Variants in ADAM12 observed in about 807,000 individuals in gnomAD.
ADAM12 encodes disintegrin and metalloproteinase domain-containing protein 12.
A neutral mutation model predicts 106.4 loss-of-function variants in ADAM12; 70 were observed. That is an observed-to-expected ratio of 0.66 (90% confidence interval 0.54 to 0.80). ADAM12 has a LOEUF of 0.80. Ranked by LOEUF, ADAM12 falls within the 30% of genes least tolerant of loss-of-function variation. The pLI, the probability that ADAM12 is intolerant of heterozygous loss-of-function variation, is 0.00. For synonymous variants in ADAM12, 420 were observed against 433.5 expected (o/e 0.97, Z 0.39); for missense variants, 1,010 against 1,171.9 (o/e 0.86, Z 2.02).
chr10:126,355,497 C>T (rs78343073), intron 1 of ADAM12, among the ~76,000 whole-genome samples: 3,585 of 152,248 alleles, frequency 0.024, 155 homozygotes, highest in African/African-American at 0.08. Context: ...CCTGAGAGAC[C>T]TGCCTAGACT....
At chr10:126,126,537 A>T (rs1167736128) in intron 5 of ADAM12, among the ~76,000 whole-genome samples, 2 of 149,316 alleles carry the variant, frequency 1.3e-5, no homozygotes, top group African/African-American at 5.0e-5. Context: ...TTGAACAAGC[A>T]TAAGACTGAA....
chr10:126,239,366 T>C (rs1212514152), intron 3 of ADAM12, among the ~76,000 whole-genome samples: 1 of 152,240 alleles, frequency 6.6e-6, no homozygotes, highest in Admixed American at 6.5e-5. Flanking sequence ...GGATAAAGCC[T>C]TTCCTATAGG....
At chr10:126,370,364 T>C (rs1856066721) in intron 1 of ADAM12, among the ~76,000 whole-genome samples, 1 of 152,214 alleles carries the variant, frequency 6.6e-6, no homozygotes, top group African/African-American at 2.4e-5. Context: ...TCTACAGCCA[T>C]CATAGGTAGC....
At chr10:126,315,941 T>C (rs1853849394) in intron 2 of ADAM12, among the ~76,000 whole-genome samples, 1 of 152,174 alleles carries the variant, frequency 6.6e-6, no homozygotes, top group African/African-American at 2.4e-5. Context: ...ACTTATGAGA[T>C]TTGCCTGTGT....
chr10:126,177,229 T>A (rs2169075), intron 3 of ADAM12, among the ~76,000 whole-genome samples: 2 of 150,578 alleles, frequency 1.3e-5, no homozygotes, highest in African/African-American at 2.4e-5. Flanking sequence ...AGGAGGAAAA[T>A]AGAAGATAAC....
Position 126,193,904 on chromosome 10 carries a change from G to GAAATAAAATAAAATA in ADAM12, c.261-38614_261-38600dup, listed in dbSNP as rs142749355. Among the ~76,000 whole-genome samples, 363 of 145,196 alleles carry GAAATAAAATAAAATA rather than the reference G, an allele frequency of 2.5e-3. 1 individual carries two copies. The highest frequency in any genetic ancestry group is 7.2e-3 in the African/African-American group (276 of 38,592). ...GAGACTCTGTCTCATGAAATAAAATGAAATAAAATAAAATAAAATAAAATA... is the reference window on the plus strand; with the variant it reads ...GAGACTCTGTCTCATGAAATAAAATGAAATAAAATAAAATAAAATAAAATAAAATAAAATAAAATA... On this transcript the variant is annotated intron_variant, in intron 3 of 22. Coordinates refer to ENST00000448723, the MANE Select transcript of ADAM12 (RefSeq NM_001288973.2).
intron 1 of ADAM12, among the ~76,000 whole-genome samples, chr10:126,369,269 CA>C (rs1856025705): frequency 6.6e-6 from 1 of 152,132 alleles, no homozygotes; most frequent in Non-Finnish European, 1.5e-5. Context: ...CTCATCATGC[CA>C]ATATTTATTG....
intron 2 of ADAM12, among the ~76,000 whole-genome samples, chr10:126,281,128 T>C (rs1186615868): frequency 1.3e-5 from 2 of 152,224 alleles, no homozygotes; most frequent in South Asian, 2.1e-4. Flanking sequence ...TTGTAATATG[T>C]ACCCATTAAT....
intron 3 of ADAM12, among the ~76,000 whole-genome samples, chr10:126,165,267 A>C (rs1957004329): frequency 6.6e-6 from 1 of 152,164 alleles, no homozygotes; most frequent in Non-Finnish European, 1.5e-5. Context: ...TCCCAAGCTC[A>C]GGCAATTCTC....
chr10:126,379,535 G>A lies in ADAM12; in HGVS notation c.88+8523C>T, dbSNP rs146008047. ...GGAGGGGAACATCACACACTGGGGC[G>A]CCTGTCAGGGGGATGGGGAGCTAGG... On this transcript the variant is annotated intron_variant, in intron 1 of 22. Coordinates refer to ENST00000448723, the MANE Select transcript of ADAM12 (RefSeq NM_001288973.2). Among the ~76,000 whole-genome samples the A allele has an allele frequency of 7.1e-3, 1,084 of 152,104 alleles. 11 individuals carry two copies. Among genetic ancestry groups the A allele is most frequent in the African/African-American group, 0.024 (1,013 of 41,476 alleles).
At chr10:126,379,472 A>G (rs1856415414) in intron 1 of ADAM12, among the ~76,000 whole-genome samples, 1 of 152,174 alleles carries the variant, frequency 6.6e-6, no homozygotes, top group Non-Finnish European at 1.5e-5. Context: ...GTTCTCACCC[A>G]TAAGTGGGAG....
At chr10:126,185,747 G>A (rs1024084596) in intron 3 of ADAM12, among the ~76,000 whole-genome samples, 2 of 151,984 alleles carry the variant, frequency 1.3e-5, no homozygotes, top group South Asian at 2.1e-4. Context: ...AGTGGCTGGA[G>A]CTACACCGGC....
chr10:126,224,343 C>T (rs1958151500), intron 3 of ADAM12, among the ~76,000 whole-genome samples: 1 of 152,224 alleles, frequency 6.6e-6, no homozygotes, highest in African/African-American at 2.4e-5. Context: ...GCTGGACACA[C>T]CTCCAGCTCT....
chr10:126,228,400 G>A (rs60351767), intron 3 of ADAM12, among the ~76,000 whole-genome samples: 6,288 of 152,240 alleles, frequency 0.041, 456 homozygotes, highest in African/African-American at 0.14. Context: ...AAGAACAGAA[G>A]TGAAACAGAT....
At chr10:126,071,883 G>A (rs948533238) in intron 11 of ADAM12, among the ~76,000 whole-genome samples, 1 of 152,284 alleles carries the variant, frequency 6.6e-6, no homozygotes, top group African/African-American at 2.4e-5. Context: ...ATGAAGAAGT[G>A]CTTTATCAAA....
intron 3 of ADAM12, among the ~76,000 whole-genome samples, chr10:126,227,682 C>T (rs113397668): frequency 3.5e-4 from 53 of 152,276 alleles, no homozygotes; most frequent in African/African-American, 1.0e-3. Flanking sequence ...AGGAAGGCAC[C>T]GTGTCTCAGC....
chr10:126,191,845 G>A (rs1483246422), intron 3 of ADAM12, among the ~76,000 whole-genome samples: 1 of 152,134 alleles, frequency 6.6e-6, no homozygotes, highest in African/African-American at 2.4e-5. Context: ...AAAGAAAATA[G>A]GTTTAATTGG....
intron 3 of ADAM12, among the ~76,000 whole-genome samples, chr10:126,190,821 C>A (rs1957485393): frequency 6.6e-6 from 1 of 151,866 alleles, no homozygotes; most frequent in South Asian, 2.1e-4. Context: ...AGGGCAGAGG[C>A]AGGAAAGAGC....
intron 3 of ADAM12, among the ~76,000 whole-genome samples, chr10:126,245,002 A>G (rs1590673005): frequency 6.6e-6 from 1 of 152,188 alleles, no homozygotes; most frequent in East Asian, 1.9e-4. Context: ...AGGGTACATG[A>G]TCAGGGGAGG....
Sources: allele counts gnomAD v4.1 joint callset (sites outside exome capture counted in the v4.1 genomes callset), GRCh38; gene constraint gnomAD v4.1.1; transcripts MANE v1.5; gene names NCBI Gene and HGNC (gene_info 2026-07-23, HGNC 2026-07-21).